Variants in PRR14L observed in about 807,000 individuals in gnomAD.
The protein encoded by PRR14L is protein PRR14L.
A neutral mutation model predicts 155.0 loss-of-function variants in PRR14L; 80 were observed. The observed-to-expected ratio is 0.52, with a 90% CI of 0.43 to 0.62. The LOEUF (loss-of-function observed/expected upper bound fraction) is 0.62. PRR14L is among the 20% of genes least tolerant of loss of function. The pLI is 0.00. For missense variants in PRR14L, 2,469 were observed against 2,548.0 expected (o/e 0.97, Z 0.67); for synonymous variants, 883 against 916.0 (o/e 0.96, Z 0.65).
rs1257190891 is a variant in PRR14L, at chr22:31,738,597, C to T, written c.264G>A (p.Glu88=). 2.6e-6 allele frequency: 4 copies of T among 1,551,972 alleles called. No homozygotes were observed. Among genetic ancestry groups the T allele is most frequent in the Admixed American group, 2.0e-5 (1 of 50,974 alleles). ...ETYETLDHGS[E]PGRCGLVDST... Reference sequence around the variant, plus strand: ...AGTCCACTAGCCCACATCGCCCAGGCTCACTCCCATGATCCAAGGTCTCAT... The same window carrying T: ...AGTCCACTAGCCCACATCGCCCAGGTTCACTCCCATGATCCAAGGTCTCAT... The change falls in exon 2 of 9, where the codon GAG becomes GAA. Residue 88 remains glutamate (E), a synonymous_variant. Transcript: ENST00000327423.
chr22:31,747,901 C>A (rs1303237156), intron 1 of PRR14L, among the ~76,000 whole-genome samples: 1 of 150,442 alleles, frequency 6.6e-6, no homozygotes. Flanking sequence ...TTTTATAACA[C>A]TAAAAACCTG....
chr22:31,687,851 G>A (rs996946075), intron 8 of PRR14L, among the ~76,000 whole-genome samples: 8 of 151,292 alleles, frequency 5.3e-5, no homozygotes, highest in Non-Finnish European at 8.8e-5. Context: ...AGACCACGGT[G>A]AAACCCTGTC....
At chr22:31,734,667 G>A (rs934747710) in intron 2 of PRR14L, among the ~76,000 whole-genome samples, 4 of 152,268 alleles carry the variant, frequency 2.6e-5, no homozygotes, top group East Asian at 1.9e-4. Flanking sequence ...CTTCTCTCAC[G>A]TCTCTTGACT....
At position 31,713,218 on chromosome 22, in the gene PRR14L, T is replaced by G. The variant is rs144773326; in HGVS notation, c.4621A>C (p.Ile1541Leu). Residue 1541 changes from isoleucine to leucine, a missense_variant, in exon 4 of 9, where the codon ATA becomes CTA. Coordinates refer to ENST00000327423, the MANE Select transcript of PRR14L (RefSeq NM_173566.3). Reference sequence around the variant, plus strand: ...AAGGCAGAACTTCTGATTTTACCTATTTTTCTCCCAACAATGATTTGCTCC... The same window carrying G: ...AAGGCAGAACTTCTGATTTTACCTAGTTTTCTCCCAACAATGATTTGCTCC... ...YQEQIIVGRK[I>L]GKIRSSAFLK... is the part of the protein sequence containing the mutation. 996 of 1,551,896 alleles carry G rather than the reference T, an allele frequency of 6.4e-4. 11 individuals are homozygous for G. In the East Asian group the frequency reaches 0.018, roughly 29 times the overall value.
At chr22:31,743,112 G>A (rs764346072) in intron 1 of PRR14L, among the ~76,000 whole-genome samples, 1 of 151,884 alleles carries the variant, frequency 6.6e-6, no homozygotes, top group Non-Finnish European at 1.5e-5. Context: ...ACCATCCTGG[G>A]TAACACGGTG....
chr22:31,682,547 G>A lies in PRR14L; in HGVS notation c.*2980C>T, dbSNP rs1203895679. On this transcript the variant is annotated 3_prime_UTR_variant, in exon 9 of 9. Transcript: ENST00000327423. ...GAGACCAAAAGCAAAAAAAGAGGAGGGAACGCGGAGGGAGAAGGCAAACAC... is the reference window on the plus strand; with the variant it reads ...GAGACCAAAAGCAAAAAAAGAGGAGAGAACGCGGAGGGAGAAGGCAAACAC... The A allele has an allele frequency of 6.6e-6, 1 of 152,028 alleles. No individual in the cohort carries two copies. Among genetic ancestry groups the A allele is most frequent in the East Asian group, 1.9e-4 (1 of 5,188 alleles). The allele number at this position is 152,028 out of a possible 1,614,324, so 9.4% of individuals were successfully genotyped here. A position where few individuals can be genotyped will look rare whatever the true frequency, so the allele number is the denominator to read the frequency against.
chr22:31,729,729 G>C (rs563239047), intron 2 of PRR14L, among the ~76,000 whole-genome samples: 7 of 152,286 alleles, frequency 4.6e-5, no homozygotes, highest in African/African-American at 1.7e-4. Context: ...ACAGAAAGTA[G>C]AATGGTTGTT....
chr22:31,726,278 C>T (rs1343235606), intron 2 of PRR14L, among the ~76,000 whole-genome samples: 1 of 151,862 alleles, frequency 6.6e-6, no homozygotes, highest in Non-Finnish European at 1.5e-5. Flanking sequence ...TTACAGGCGC[C>T]CACCACTATG....
chr22:31,696,471 C>T (rs2074535549), intron 7 of PRR14L, among the ~76,000 whole-genome samples: 1 of 152,052 alleles, frequency 6.6e-6, no homozygotes, highest in Non-Finnish European at 1.5e-5. Flanking sequence ...TGTGGTCTCA[C>T]CATGTTGCCC....
chr22:31,692,993 A>G (rs1182367365), intron 7 of PRR14L, among the ~76,000 whole-genome samples: 1 of 152,110 alleles, frequency 6.6e-6, no homozygotes, highest in Non-Finnish European at 1.5e-5. Flanking sequence ...GTTCACAGAA[A>G]GACTGAGCAG....
At chr22:31,729,671 A>G (rs180720170) in intron 2 of PRR14L, among the ~76,000 whole-genome samples, 17 of 152,302 alleles carry the variant, frequency 1.1e-4, no homozygotes, top group Admixed American at 8.5e-4. Flanking sequence ...AGCAAATACC[A>G]TATGATTCCA....
At chr22:31,748,230 T>C (rs989227795) in intron 1 of PRR14L, among the ~76,000 whole-genome samples, 12 of 152,140 alleles carry the variant, frequency 7.9e-5, no homozygotes, top group Admixed American at 2.0e-4. Flanking sequence ...AAGAGGGAAT[T>C]TGGAGAATGG....
chr22:31,746,378 C>T (rs2074837844), intron 1 of PRR14L, among the ~76,000 whole-genome samples: 2 of 152,198 alleles, frequency 1.3e-5, no homozygotes, highest in African/African-American at 4.8e-5. Context: ...TGTCAGCTCT[C>T]TGCCTTAACC....
rs535575970 is a variant in PRR14L, at chr22:31,739,606, T to G, written c.-51-695A>C. Among the ~76,000 whole-genome samples the G allele has an allele frequency of 3.9e-5, 6 of 152,270 alleles. No homozygotes were observed. The South Asian group carries it at 1.0e-3, about 26-fold the overall frequency. ...TCTCTTAACAACCCTTTGAGCTAAGTAGGGCAGCTATCAGCTTCTTGTTTT... is the reference window on the plus strand; with the variant it reads ...TCTCTTAACAACCCTTTGAGCTAAGGAGGGCAGCTATCAGCTTCTTGTTTT... On this transcript the variant is annotated intron_variant, in intron 1 of 8. Transcript: ENST00000327423.
chr22:31,690,595 C>T (rs1349480123), intron 7 of PRR14L, among the ~76,000 whole-genome samples: 1 of 151,886 alleles, frequency 6.6e-6, no homozygotes, highest in Non-Finnish European at 1.5e-5. Context: ...AGCAATCCTC[C>T]TCTCTCAGCT....
chr22:31,702,929 C>T (rs1452171303), intron 6 of PRR14L, among the ~76,000 whole-genome samples: 1 of 152,030 alleles, frequency 6.6e-6, no homozygotes, highest in East Asian at 1.9e-4. Flanking sequence ...AATTCTCCCT[C>T]CTCAGCCTCC....
In PRR14L at chr22:31,712,119, T is replaced by G. The variant is rs772408640; in HGVS notation, c.5720A>C (p.His1907Pro). The change falls in exon 4 of 9, where the codon CAC becomes CCC. Residue 1907 changes from histidine to proline, a missense_variant. This residue lies in a region of PRR14L where 2,363 missense variants were observed against 2,371.6 expected (regional missense o/e 1.00). Coordinates refer to ENST00000327423, the MANE Select transcript of PRR14L (RefSeq NM_173566.3). The stretch of plus-strand genomic sequence containing the variant: ...GCCCAGACTTGGTTGCCGCTTGCAG[T>G]GAGGGGAATGAAGAGAAGAGATTTC... ...SFEISSLHSP[H>P]CKRQPSLGTT... is the part of the protein sequence containing the mutation. The G allele has an allele frequency of 5.0e-5, 80 of 1,613,050 alleles. No homozygotes were observed. Among genetic ancestry groups the G allele is most frequent in the Non-Finnish European group, 5.8e-5 (68 of 1,179,712 alleles).
At chr22:31,686,344 A>G (rs189976815) in intron 8 of PRR14L, among the ~76,000 whole-genome samples, 2,155 of 149,070 alleles carry the variant, frequency 0.014, 51 homozygotes, top group African/African-American at 0.052. Flanking sequence ...TCCTAACCTC[A>G]TGATTCGCCC....
chr22:31,739,454 C>T (rs970508291), intron 1 of PRR14L, among the ~76,000 whole-genome samples: 1 of 152,206 alleles, frequency 6.6e-6, no homozygotes, highest in East Asian at 1.9e-4. Flanking sequence ...TTACTAAATA[C>T]TTCAGCTCTC....
Sources: allele counts gnomAD v4.1 joint callset (sites outside exome capture counted in the v4.1 genomes callset), GRCh38; gene constraint gnomAD v4.1.1; regional missense constraint gnomAD v4.1.1; transcripts MANE v1.5; gene names NCBI Gene and HGNC (gene_info 2026-07-23, HGNC 2026-07-21).